The following CNBD1 variants were observed in gnomAD, a reference collection of about 807,000 sequenced individuals.
The protein encoded by CNBD1 is cyclic nucleotide-binding domain-containing protein 1.
A neutral mutation model predicts 54.4 loss-of-function variants in CNBD1; 71 were observed. The ratio of observed to expected loss-of-function variants is 1.30; its 90% CI spans 1.08 to 1.59. CNBD1 has a LOEUF of 1.59. Among genes scored for constraint, CNBD1 ranks in the 40% most tolerant of loss-of-function variants. The pLI is 0.00. For missense variants in CNBD1, 659 were observed against 518.0 expected (o/e 1.27, Z -2.64); for synonymous variants, 182 against 170.7 (o/e 1.07, Z -0.51).
intron 6 of CNBD1, among the ~76,000 whole-genome samples, chr8:87,245,561 G>A (rs544954840): frequency 4.9e-4 from 75 of 151,784 alleles, no homozygotes; most frequent in Non-Finnish European, 8.3e-4. Context: ...TTTATCTCAT[G>A]ATATTAAGTA....
intron 4 of CNBD1, among the ~76,000 whole-genome samples, chr8:86,952,704 T>C (rs915057371): frequency 6.6e-6 from 1 of 152,122 alleles, no homozygotes; most frequent in African/African-American, 2.4e-5. Flanking sequence ...TTTTGATACA[T>C]GTATAAAGGT....
At chr8:87,307,685 C>T (rs935503502) in intron 8 of CNBD1, among the ~76,000 whole-genome samples, 2 of 150,554 alleles carry the variant, frequency 1.3e-5, no homozygotes, top group Non-Finnish European at 2.9e-5. Flanking sequence ...TTGCAGTGAG[C>T]CAAGATTGTG....
At chr8:86,916,349 T>C (rs1476509491) in intron 3 of CNBD1, among the ~76,000 whole-genome samples, 1 of 152,152 alleles carries the variant, frequency 6.6e-6, no homozygotes, top group South Asian at 2.1e-4. Flanking sequence ...GACTTGGGGT[T>C]TTATACGCTG....
At chr8:87,424,807 G>T (rs1056497850) in intron 2 of CNBD1, among the ~76,000 whole-genome samples, 1 of 152,064 alleles carries the variant, frequency 6.6e-6, no homozygotes, top group African/African-American at 2.4e-5. Context: ...TCTTGGAGTT[G>T]CTCTTCTCCA....
At chr8:86,989,643 G>T (rs1051247946) in intron 4 of CNBD1, among the ~76,000 whole-genome samples, 3 of 151,932 alleles carry the variant, frequency 2.0e-5, no homozygotes, top group Non-Finnish European at 2.9e-5. Context: ...TAGAGATGGG[G>T]TTTCACCATG....
chr8:87,315,322 T>C (rs1324154564), intron 8 of CNBD1, among the ~76,000 whole-genome samples: 1 of 152,048 alleles, frequency 6.6e-6, no homozygotes, highest in Admixed American at 6.6e-5. Context: ...CTCTGGTATC[T>C]CTGTTTGTTT....
intron 8 of CNBD1, among the ~76,000 whole-genome samples, chr8:87,302,143 C>A (rs1411753985): frequency 6.6e-6 from 1 of 152,148 alleles, no homozygotes; most frequent in Non-Finnish European, 1.5e-5. Flanking sequence ...TTTTATGAGG[C>A]AAGCATCATC....
At chr8:87,319,978 T>A (rs1180827714) in intron 8 of CNBD1, among the ~76,000 whole-genome samples, 1 of 152,048 alleles carries the variant, frequency 6.6e-6, no homozygotes, top group African/African-American at 2.4e-5. Flanking sequence ...TTTAAAATGA[T>A]CTGAATTTCA....
intron 3 of CNBD1, among the ~76,000 whole-genome samples, chr8:86,913,204 G>C (rs1405787144): frequency 6.6e-6 from 1 of 152,100 alleles, no homozygotes; most frequent in African/African-American, 2.4e-5. Flanking sequence ...TTTAAATTCT[G>C]TATTCACATA....
intron 6 of CNBD1, among the ~76,000 whole-genome samples, chr8:87,272,280 TC>T (rs1808383709): frequency 1.3e-5 from 2 of 152,028 alleles, no homozygotes; most frequent in Non-Finnish European, 2.9e-5. Flanking sequence ...GTGATGGACA[TC>T]CCAGTTACTC....
chr8:87,326,890 G>T (rs1809680966), intron 8 of CNBD1, among the ~76,000 whole-genome samples: 1 of 84,210 alleles, frequency 1.2e-5, no homozygotes, highest in Non-Finnish European at 2.4e-5. Context: ...CTGCGTTTTA[G>T]AGTTTCCAGT....
chr8:87,352,481 A>AAAAAC (rs1554582177), intron 9 of CNBD1, among the ~76,000 whole-genome samples: 1 of 151,518 alleles, frequency 6.6e-6, no homozygotes, highest in East Asian at 1.9e-4. Flanking sequence ...TCTGTCTCAA[A>AAAAAC]AAAAAAAAAA....
Position 86,991,290 on chromosome 8 carries a change from T to C in CNBD1, c.431+51536T>C, listed in dbSNP as rs911696660. Reference sequence around the variant, plus strand: ...AGGAAAGGATTTCAGTTTTTCCTCATTTAATGTGATACCAGCTGTGTGTCT... The same window carrying C: ...AGGAAAGGATTTCAGTTTTTCCTCACTTAATGTGATACCAGCTGTGTGTCT... On this transcript the variant is annotated intron_variant, in intron 4 of 10. Coordinates refer to ENST00000518476, the MANE Select transcript of CNBD1 (RefSeq NM_173538.3). Among the ~76,000 whole-genome samples the C allele has an allele frequency of 5.9e-5, 9 of 152,158 alleles. No homozygotes were observed. The South Asian group carries it at 8.3e-4, about 14-fold the overall frequency.
chr8:86,938,592 C>T (rs1347734327), intron 3 of CNBD1, among the ~76,000 whole-genome samples: 4 of 152,144 alleles, frequency 2.6e-5, no homozygotes, highest in Admixed American at 2.6e-4. Context: ...GGCGAACTCT[C>T]CTTTATAAAA....
At chr8:86,980,551 T>G (rs1431044608) in intron 4 of CNBD1, among the ~76,000 whole-genome samples, 1 of 152,230 alleles carries the variant, frequency 6.6e-6, no homozygotes, top group Non-Finnish European at 1.5e-5. Context: ...AGATAAAGTT[T>G]ATTCTAATAG....
At chr8:87,289,430 G>C (rs1279094085) in intron 8 of CNBD1, among the ~76,000 whole-genome samples, 1 of 152,056 alleles carries the variant, frequency 6.6e-6, no homozygotes, top group Non-Finnish European at 1.5e-5. Flanking sequence ...ATTCTTTCAA[G>C]ATGTGGCCAA....
At chr8:87,376,467 TA>T (rs1010016521) in intron 10 of CNBD1, among the ~76,000 whole-genome samples, 10 of 151,910 alleles carry the variant, frequency 6.6e-5, no homozygotes, top group African/African-American at 2.4e-4. Flanking sequence ...TTGAGGGATG[TA>T]ACCATTTAGC....
At position 86,967,448 on chromosome 8, in the gene CNBD1, C is replaced by T. The variant is rs537596798; in HGVS notation, c.431+27694C>T. 7.2e-5 allele frequency among the ~76,000 whole-genome samples: 11 copies of T among 152,370 alleles called. No individual in the cohort carries two copies. The South Asian group carries it at 2.3e-3, about 32-fold the overall frequency. ...CAACCCGGGAGCTCTGGTCCCAACTCAGAAGGGGCGGGGCTCCCACTGGCT... is the reference window on the plus strand; with the variant it reads ...CAACCCGGGAGCTCTGGTCCCAACTTAGAAGGGGCGGGGCTCCCACTGGCT... On this transcript the variant is annotated intron_variant, in intron 4 of 10. Transcript: ENST00000518476.
chr8:87,266,437 T>C (rs143578008), intron 6 of CNBD1, among the ~76,000 whole-genome samples: 1 of 41,292 alleles, frequency 2.4e-5, no homozygotes, highest in East Asian at 5.4e-4. Context: ...AAAAAAAAAA[T>C]CTTTTTTTTT....
Sources: allele counts gnomAD v4.1 joint callset (sites outside exome capture counted in the v4.1 genomes callset), GRCh38; gene constraint gnomAD v4.1.1; transcripts MANE v1.5; gene names NCBI Gene and HGNC (gene_info 2026-07-23, HGNC 2026-07-21).